CDKN3: variants seen among roughly 807,000 people sequenced by gnomAD.
The protein encoded by CDKN3 is cyclin dependent kinase inhibitor 3.
CDKN3 carries 19 observed loss-of-function variants against 36.1 expected under a neutral mutation model. That is an observed-to-expected ratio of 0.53 (90% CI 0.37 to 0.77). The LOEUF is 0.77. Among genes scored for constraint, CDKN3 ranks in the 30% least tolerant of loss-of-function variants. CDKN3 has a pLI of 0.00. For missense variants in CDKN3, 188 were observed against 248.6 expected (o/e 0.76, Z 1.64); for synonymous variants, 71 against 85.3 (o/e 0.83, Z 0.92).
intron 3 of CDKN3, among the ~76,000 whole-genome samples, chr14:54,402,555 T>C (rs1362545135): frequency 1.3e-5 from 2 of 152,198 alleles, no homozygotes; most frequent in Non-Finnish European, 2.9e-5. Context: ...TTAGTTTAAT[T>C]AAATCCCATT....
At chr14:54,402,209 A>AG (rs2029975156) in intron 3 of CDKN3, among the ~76,000 whole-genome samples, 2 of 151,638 alleles carry the variant, frequency 1.3e-5, no homozygotes, top group Admixed American at 1.3e-4. Flanking sequence ...TGTCTCAAAA[A>AG]AAAAAAAAAA....
chr14:54,419,149 C>A (rs2030647286), intron 7 of CDKN3, among the ~76,000 whole-genome samples: 1 of 150,976 alleles, frequency 6.6e-6, no homozygotes, highest in Non-Finnish European at 1.5e-5. Context: ...CAAAGTGAGA[C>A]CCTGTCTCAA....
chr14:54,405,036 A>G (rs1470000126), intron 3 of CDKN3, among the ~76,000 whole-genome samples: 1 of 152,092 alleles, frequency 6.6e-6, no homozygotes, highest in Admixed American at 6.6e-5. Flanking sequence ...AACACTGCAG[A>G]TTCTGGTACA....
chr14:54,413,941 A>G lies in CDKN3; in HGVS notation c.417-1958A>G, dbSNP rs1335874661. ...GTAAGTCCAAAATTAAGATGAGAGC[A>G]GAGCCATGCCCTCTGAGACTGAGGA... On this transcript the variant is annotated intron_variant, in intron 5 of 7. Coordinates refer to ENST00000335183, the MANE Select transcript of CDKN3 (RefSeq NM_005192.4). The G allele has an allele frequency of 1.3e-5, 8 of 613,524 alleles. No individual in the cohort carries two copies. In the East Asian group the frequency reaches 3.6e-4, roughly 27 times the overall value. The allele number at this position is 613,524 out of a possible 1,614,324, so 38.0% of individuals were successfully genotyped here. A position where few individuals can be genotyped will look rare whatever the true frequency, so the allele number is the denominator to read the frequency against.
chr14:54,409,604 G>A (rs912070866), intron 4 of CDKN3, among the ~76,000 whole-genome samples: 23 of 152,026 alleles, frequency 1.5e-4, no homozygotes, highest in African/African-American at 4.4e-4. Flanking sequence ...AGGCCGAGGC[G>A]GGTTGATCGC....
intron 5 of CDKN3, 108 bp from the exon 6 acceptor site, chr14:54,415,791 C>CTG: frequency 1.3e-6 from 1 of 789,354 alleles, no homozygotes; most frequent in East Asian, 2.5e-5. Context: ...GTGCAAGGCA[C>CTG]TGTGCTAGGC....
chr14:54,405,327 G>A (rs1474077303), intron 3 of CDKN3, among the ~76,000 whole-genome samples: 1 of 152,200 alleles, frequency 6.6e-6, no homozygotes, highest in East Asian at 1.9e-4. Flanking sequence ...ATGATTTGGG[G>A]TGGAGAGTTC....
chr14:54,402,871 G>A (rs1358526857), intron 3 of CDKN3, among the ~76,000 whole-genome samples: 1 of 152,114 alleles, frequency 6.6e-6, no homozygotes, highest in Admixed American at 6.5e-5. Context: ...GATGTATGGT[G>A]TTATTTCTGA....
In CDKN3 at chr14:54,408,741, A is replaced by T. The variant is rs781742567; in HGVS notation, c.149-4A>T. ...TTTTTTACTTGCTTTATTATTACTT[A>T]TAGGTTGTAAATTTAAAGATGTTAG... is the stretch of plus-strand genomic sequence containing the variant. On this transcript the variant is annotated splice_region_variant and splice_polypyrimidine_tract_variant and intron_variant, in intron 3 of 7. Transcript: ENST00000335183. 12 of 1,577,194 alleles carry T rather than the reference A, an allele frequency of 7.6e-6. No homozygotes were observed. Among genetic ancestry groups the T allele is most frequent in the Non-Finnish European group, 1.0e-5 (12 of 1,166,776 alleles).
chr14:54,402,270 C>A (rs1232939955), intron 3 of CDKN3, among the ~76,000 whole-genome samples: 1 of 150,018 alleles, frequency 6.7e-6, no homozygotes, highest in African/African-American at 2.4e-5. Flanking sequence ...CCATTTTGTT[C>A]CTTTTCATGG....
At chr14:54,404,329 TA>T (rs1351139079) in intron 3 of CDKN3, among the ~76,000 whole-genome samples, 1 of 152,192 alleles carries the variant, frequency 6.6e-6, no homozygotes, top group Admixed American at 6.5e-5. Flanking sequence ...ATTTCTAGTT[TA>T]TTTTTGTAGA....
intron 6 of CDKN3, 33 bp downstream of exon 6, chr14:54,415,963 G>A (rs370205809): frequency 4.5e-5 from 65 of 1,459,454 alleles, no homozygotes; most frequent in East Asian, 6.8e-5. Flanking sequence ...TTTTTTAACC[G>A]CCAAATAGAC....
At chr14:54,409,631 G>A (rs376275973) in intron 4 of CDKN3, among the ~76,000 whole-genome samples, 3 of 151,942 alleles carry the variant, frequency 2.0e-5, no homozygotes, top group African/African-American at 4.8e-5. Context: ...TCAGGAGTTC[G>A]AGACCAGCCT....
intron 5 of CDKN3, among the ~76,000 whole-genome samples, chr14:54,413,073 G>T (rs1355694639): frequency 6.6e-6 from 1 of 152,226 alleles, no homozygotes; most frequent in Non-Finnish European, 1.5e-5. Flanking sequence ...ACACACACCT[G>T]TTTGTGGCCA....
At chr14:54,413,042 C>A (rs1047285878) in intron 5 of CDKN3, 2 of 364,812 alleles carry the variant, frequency 5.5e-6, no homozygotes, top group Non-Finnish European at 1.1e-5. Context: ...GGCAAACCAA[C>A]TAGTACGAGG....
chr14:54,397,857 G>A (rs1886359411), intron 1 of CDKN3, among the ~76,000 whole-genome samples: 1 of 152,230 alleles, frequency 6.6e-6, no homozygotes, highest in South Asian at 2.1e-4. Context: ...CTAGGGCCGG[G>A]TGGTGTCTCG....
At chr14:54,411,462 G>A (rs1301684265) in intron 4 of CDKN3, 22 bp from the exon 5 acceptor site, 1 of 1,566,308 alleles carries the variant, frequency 6.4e-7, no homozygotes, top group Non-Finnish European at 8.8e-7. Flanking sequence ...GTGTGTGTCT[G>A]TGTATCCTGG....
rs113649065 is a variant in CDKN3 at position 54,397,684 on chromosome 14, C to T, written c.9+607C>T. On this transcript the variant is annotated intron_variant, in intron 1 of 7. Transcript: ENST00000335183. ...CACACAAATTTGAAATATGAATCAT[C>T]AAAGTTGCTTTAAAGAAAAAACAGA... Among the ~76,000 whole-genome samples, 344 of 152,366 alleles carry T rather than the reference C, an allele frequency of 2.3e-3. 3 individuals carry two copies. The highest frequency in any genetic ancestry group is 8.1e-3 in the African/African-American group (336 of 41,582).
intron 6 of CDKN3, among the ~76,000 whole-genome samples, chr14:54,416,719 G>T (rs4251654): frequency 0.024 from 3,662 of 152,240 alleles, 156 homozygotes; most frequent in African/African-American, 0.082. Flanking sequence ...TGGGACTGAG[G>T]CTGGAGGACT....
Sources: allele counts gnomAD v4.1 joint callset (sites outside exome capture counted in the v4.1 genomes callset), GRCh38; gene constraint gnomAD v4.1.1; transcripts MANE v1.5; gene names NCBI Gene and HGNC (gene_info 2026-07-23, HGNC 2026-07-21).